Variants in UTS2B observed in about 807,000 individuals in gnomAD.
The protein encoded by UTS2B is urotensin 2B, also known as urotensin-2B.
Under a neutral mutation model 19.2 loss-of-function variants are expected in UTS2B, and 21 were observed. The ratio of observed to expected loss-of-function variants is 1.09; its 90% CI spans 0.78 to 1.58. The LOEUF is 1.58. Among genes scored for constraint, UTS2B ranks in the 40% most tolerant of loss-of-function variants. The pLI, the probability that UTS2B is intolerant of heterozygous loss-of-function variation, is 0.00. For synonymous variants in UTS2B, 57 were observed against 50.2 expected (o/e 1.14, Z -0.58); for missense variants, 138 against 130.3 (o/e 1.06, Z -0.29).
chr3:191,298,094 T>C (rs899194758), intron 4 of UTS2B, among the ~76,000 whole-genome samples: 2 of 152,222 alleles, frequency 1.3e-5, no homozygotes, highest in African/African-American at 4.8e-5. Flanking sequence ...TGTTGCCTAG[T>C]TGTAGCATAT....
intron 3 of UTS2B, among the ~76,000 whole-genome samples, chr3:191,309,482 T>C (rs1717232071): frequency 1.3e-5 from 2 of 152,170 alleles, no homozygotes; most frequent in Non-Finnish European, 1.5e-5. Flanking sequence ...CTCTTTGTTT[T>C]AGACTATGTT....
intron 4 of UTS2B, among the ~76,000 whole-genome samples, chr3:191,286,567 C>G (rs1412783260): frequency 6.6e-6 from 1 of 151,584 alleles, no homozygotes; most frequent in Non-Finnish European, 1.5e-5. Flanking sequence ...TATCTGGAGA[C>G]AAATGAAAAT....
intron 8 of UTS2B, among the ~76,000 whole-genome samples, chr3:191,274,435 AT>A (rs998604686): frequency 6.6e-6 from 1 of 152,180 alleles, no homozygotes; most frequent in South Asian, 2.1e-4. Flanking sequence ...CATTATCCGC[AT>A]TTTTAGGCAA....
chr3:191,341,026 A>G, the UTS2B span, among the ~76,000 whole-genome samples: 2 of 151,084 alleles, frequency 1.3e-5, no homozygotes, highest in East Asian at 1.9e-4. Flanking sequence ...GGGTCTCACT[A>G]TATTGCCCAG....
chr3:191,270,112 A>G (rs1489680358), intron 8 of UTS2B, among the ~76,000 whole-genome samples: 1 of 152,250 alleles, frequency 6.6e-6, no homozygotes, highest in Admixed American at 6.5e-5. Flanking sequence ...GTAAGTTTTT[A>G]CTGTCTTAAG....
chr3:191,313,283 C>G (rs1052736302), intron 3 of UTS2B, among the ~76,000 whole-genome samples: 8 of 152,202 alleles, frequency 5.3e-5, no homozygotes, highest in African/African-American at 1.9e-4. Flanking sequence ...ATGTGAGCCA[C>G]AGCACCCAGC....
At chr3:191,284,607 C>T (rs1233230990) in intron 4 of UTS2B, among the ~76,000 whole-genome samples, 1 of 151,150 alleles carries the variant, frequency 6.6e-6, no homozygotes, top group Non-Finnish European at 1.5e-5. Flanking sequence ...CAGGTGTGAG[C>T]CACTGCACCT....
chr3:191,275,605 A>C (rs529823333), intron 7 of UTS2B, among the ~76,000 whole-genome samples: 1 of 152,042 alleles, frequency 6.6e-6, no homozygotes, highest in Non-Finnish European at 1.5e-5. Flanking sequence ...GCGTGAACCC[A>C]GGAGGTGGAG....
the UTS2B span, among the ~76,000 whole-genome samples, chr3:191,335,735 G>A: frequency 1.3e-5 from 2 of 152,120 alleles, no homozygotes; most frequent in South Asian, 2.1e-4. Flanking sequence ...GTGTATTACC[G>A]GTCTTGTTTA....
At position 191,316,883 on chromosome 3, in the gene UTS2B, A is replaced by G. The variant is rs576549597; in HGVS notation, c.-585-444T>C. Among the ~76,000 whole-genome samples the G allele has an allele frequency of 2.0e-5, 3 of 152,342 alleles. No homozygotes were observed. The East Asian group carries it at 5.8e-4, about 29-fold the overall frequency. On this transcript the variant is annotated intron_variant, in intron 2 of 8. Transcript: ENST00000340524. ...ACACTGAGTGCTGATTGGCGCATAT[A>G]CAATCCTCCAGCTAGACATAAAAGT...
At chr3:191,317,409 G>A (rs923246492) in intron 2 of UTS2B, among the ~76,000 whole-genome samples, 1 of 152,242 alleles carries the variant, frequency 6.6e-6, no homozygotes, top group Non-Finnish European at 1.5e-5. Flanking sequence ...CAAGCAGAGG[G>A]AGCTGGCTCC....
chr3:191,281,976 A>T (rs1419228650), intron 5 of UTS2B, 111 bp downstream of exon 5: 2 of 787,410 alleles, frequency 2.5e-6, no homozygotes, highest in Non-Finnish European at 4.2e-6. Flanking sequence ...ATTAAATAAT[A>T]TTTATTCCTT....
intron 2 of UTS2B, among the ~76,000 whole-genome samples, chr3:191,318,184 C>T (rs1717518118): frequency 6.6e-6 from 1 of 152,154 alleles, no homozygotes; most frequent in Admixed American, 6.6e-5. Flanking sequence ...TTTTCCTTTT[C>T]TCCATTCTCA....
At chr3:191,339,404 G>A in the UTS2B span, among the ~76,000 whole-genome samples, 2 of 152,154 alleles carry the variant, frequency 1.3e-5, no homozygotes, top group Non-Finnish European at 2.9e-5. Flanking sequence ...TATAAAAAAA[G>A]TGAGGCAAGT....
intron 4 of UTS2B, among the ~76,000 whole-genome samples, chr3:191,293,994 G>A (rs959821597): frequency 2.0e-5 from 3 of 151,784 alleles, no homozygotes; most frequent in Non-Finnish European, 4.4e-5. Flanking sequence ...TGTAATCCCA[G>A]CTACTCGGGT....
At position 191,316,028 on chromosome 3, in the gene UTS2B, C is replaced by T. The variant is rs1162786767; in HGVS notation, c.-182+8G>A. On this transcript the variant is annotated splice_region_variant and intron_variant, in intron 3 of 8. Coordinates refer to ENST00000340524, the MANE Select transcript of UTS2B (RefSeq NM_198152.5). ...GCAAATTGGGTAAGGTCAGAGAGCT[C>T]TTCTTACCTGTGTCACAGGTGGCTT... 6.6e-6 allele frequency: 1 copy of T among 152,178 alleles called. No homozygotes were observed. The highest frequency in any genetic ancestry group is 2.4e-5 in the African/African-American group (1 of 41,440). 9.4% of individuals were successfully genotyped at this position (152,178 alleles called of 1,614,324 possible).
intron 4 of UTS2B, among the ~76,000 whole-genome samples, chr3:191,287,906 A>G (rs2603674): frequency 0.51 from 77,000 of 151,940 alleles, 21,215 homozygotes; most frequent in Middle Eastern, 0.62. Flanking sequence ...TAAAGATTCC[A>G]TCCAGTAATT....
At chr3:191,342,393 G>A in the UTS2B span, among the ~76,000 whole-genome samples, 1 of 152,098 alleles carries the variant, frequency 6.6e-6, no homozygotes, top group Non-Finnish European at 1.5e-5. Flanking sequence ...TAATAGGAAG[G>A]AAAGTGCTAG....
chr3:191,314,408 A>G (rs1307226828), intron 3 of UTS2B, among the ~76,000 whole-genome samples: 1 of 152,052 alleles, frequency 6.6e-6, no homozygotes, highest in East Asian at 1.9e-4. Flanking sequence ...TTTCCTCATA[A>G]AAGTTGGGAA....
Sources: gnomAD v4.1 joint callset for allele counts (sites outside exome capture counted in the v4.1 genomes callset) on GRCh38, gnomAD v4.1.1 for gene constraint, MANE v1.5 for transcripts, NCBI Gene and HGNC (gene_info 2026-07-23, HGNC 2026-07-21) for gene names.